Variants in BAHCC1 observed in about 807,000 individuals in gnomAD.
The protein encoded by BAHCC1 is BAH and coiled-coil domain-containing protein 1.
A neutral mutation model predicts 88.2 loss-of-function variants in BAHCC1; 43 were observed. The observed-to-expected ratio is 0.49, with a 90% CI of 0.38 to 0.63. The LOEUF is 0.63. Ranked by LOEUF, BAHCC1 falls within the 20% of genes least tolerant of loss-of-function variation. The pLI, the probability that BAHCC1 is intolerant of heterozygous loss-of-function variation, is 0.00. For missense variants in BAHCC1, 3,023 were observed against 1,654.8 expected, an observed-to-expected ratio of 1.83 and a Z score of -14.34; for synonymous variants, 1,510 against 745.5, an observed-to-expected ratio of 2.03 and a Z score of -16.71.
chr17:81,435,334 C>G lies in BAHCC1; in HGVS notation c.359-3036C>G, dbSNP rs995981481. On this transcript the variant is annotated intron_variant, in intron 3 of 27. Coordinates refer to ENST00000675386, the MANE Select transcript of BAHCC1 (RefSeq NM_001377448.1). The surrounding 1 kb of genome is among the most constrained non-coding windows in gnomAD (Gnocchi z 4.4). ...CTGTCTCCTGCAGTCTGTCCCATCA[C>G]AGGACTGAGTTTGGAGTCTCCTGCC... The G allele has an allele frequency of 2.4e-6, 1 of 425,206 alleles. No homozygotes were observed. Among genetic ancestry groups the G allele is most frequent in the African/African-American group, 2.0e-5 (1 of 49,148 alleles). The allele number at this position is 425,206 out of a possible 1,614,324, so 26.3% of individuals were successfully genotyped here.
chr17:81,454,629 G>A (rs2064711697), intron 14 of BAHCC1, among the ~76,000 whole-genome samples: 2 of 151,830 alleles, frequency 1.3e-5, no homozygotes, highest in Non-Finnish European at 2.9e-5. Flanking sequence ...GGAAATGTGG[G>A]TGCAGTTCTC....
At chr17:81,413,976 G>A (rs528452617) in intron 2 of BAHCC1, among the ~76,000 whole-genome samples, 11 of 152,328 alleles carry the variant, frequency 7.2e-5, no homozygotes, top group Non-Finnish European at 1.0e-4. Context: ...TTGAGCTGAC[G>A]CTGGCAGCCC....
Position 81,463,970 on chromosome 17 carries a change from T to TA in BAHCC1, c.*154dup, listed in dbSNP as rs1224430418. 8.0e-5 allele frequency: 49 copies of TA among 615,860 alleles called. No homozygotes were observed. Among genetic ancestry groups the TA allele is most frequent in the African/African-American group, 3.7e-4 (20 of 54,362 alleles). 38.1% of individuals were successfully genotyped at this position (615,860 alleles called of 1,614,324 possible). A position where few individuals can be genotyped will look rare whatever the true frequency, so the allele number is the denominator to read the frequency against. On this transcript the variant is annotated 3_prime_UTR_variant, in exon 28 of 28. Transcript: ENST00000675386. ...CCACAGGGCAAGACCCAGGCTTTCT[T>TA]ACGGTTTTCCCTGGAAAGAGCGCTC...
intron 3 of BAHCC1, 144 bp from the exon 4 acceptor site, chr17:81,438,226 G>C (rs2064362755): frequency 3.1e-6 from 2 of 640,266 alleles, no homozygotes; most frequent in Non-Finnish European, 2.8e-6. Context: ...TTGATGGGTT[G>C]ATTTCCCCCC....
In BAHCC1 at chr17:81,463,916, A is replaced by G; in HGVS notation, c.*99A>G. The G allele has an allele frequency of 1.5e-6, 1 of 671,256 alleles. No individual in the cohort carries two copies. The allele number at this position is 671,256 out of a possible 1,614,324, so 41.6% of individuals were successfully genotyped here. A position where few individuals can be genotyped will look rare whatever the true frequency, so the allele number is the denominator to read the frequency against. ...GGCAGGAGGCAGCCCCGGCCTCCCA[A>G]GGGCGCATCTGAGCAAATATGCAAA... On this transcript the variant is annotated 3_prime_UTR_variant, in exon 28 of 28. Transcript: ENST00000675386.
Position 81,463,606 on chromosome 17 carries a change from C to T in BAHCC1, c.7621-5C>T, listed in dbSNP as rs758415920. On this transcript the variant is annotated splice_polypyrimidine_tract_variant and splice_region_variant and intron_variant, in intron 27 of 27. Transcript: ENST00000675386. ...CCACTGATGCCCCGCGCGCCTTGCCCCCAGAATGCGCTGTACCAGTCCTGC... is the reference window on the plus strand; with the variant it reads ...CCACTGATGCCCCGCGCGCCTTGCCTCCAGAATGCGCTGTACCAGTCCTGC... The T allele has an allele frequency of 2.6e-6, 2 of 779,498 alleles. No individual in the cohort carries two copies. Among genetic ancestry groups the T allele is most frequent in the Non-Finnish European group, 4.8e-6 (2 of 417,856 alleles). 48.3% of individuals were successfully genotyped at this position (779,498 alleles called of 1,614,324 possible). A position where few individuals can be genotyped will look rare whatever the true frequency, so the allele number is the denominator to read the frequency against.
intron 10 of BAHCC1, among the ~76,000 whole-genome samples, chr17:81,446,563 T>C (rs1729203569): frequency 8.1e-6 from 1 of 123,764 alleles, no homozygotes. Flanking sequence ...TTTTTTTTTT[T>C]TGAGACAGGG....
intron 14 of BAHCC1, among the ~76,000 whole-genome samples, chr17:81,454,987 T>C (rs1177287768): frequency 6.6e-6 from 1 of 152,220 alleles, no homozygotes; most frequent in African/African-American, 2.4e-5. Flanking sequence ...GCGTGCCCAC[T>C]TCCAGTATAG....
At chr17:81,458,540 G>A (rs190715576) in intron 18 of BAHCC1, 74 bp downstream of exon 18, 9 of 652,224 alleles carry the variant, frequency 1.4e-5, no homozygotes, top group Non-Finnish European at 2.0e-5. Flanking sequence ...GCCCTCCCCC[G>A]CACGCTGGCC....
chr17:81,458,616 C>G lies in BAHCC1; in HGVS notation c.5344-5C>G. The G allele has an allele frequency of 1.4e-6, 1 of 715,758 alleles. No homozygotes were observed. Among genetic ancestry groups the G allele is most frequent in the Non-Finnish European group, 2.6e-6 (1 of 384,552 alleles). 44.3% of individuals were successfully genotyped at this position (715,758 alleles called of 1,614,324 possible). Reference sequence around the variant, plus strand: ...TCAGCCCCTTCTCTGCCTGCCCACGCGCAGCGGAAGAACGGGGCCCTGTCC... The same window carrying G: ...TCAGCCCCTTCTCTGCCTGCCCACGGGCAGCGGAAGAACGGGGCCCTGTCC... On this transcript the variant is annotated splice_region_variant and splice_polypyrimidine_tract_variant and intron_variant, in intron 18 of 27. Coordinates refer to ENST00000675386, the MANE Select transcript of BAHCC1 (RefSeq NM_001377448.1).
intron 16 of BAHCC1, 134 bp from the exon 17 acceptor site, chr17:81,457,276 G>A: frequency 1.6e-6 from 1 of 625,552 alleles, no homozygotes; most frequent in Non-Finnish European, 2.9e-6. Context: ...GCCCCACAGA[G>A]CGGCCCAGAG....
intron 2 of BAHCC1, among the ~76,000 whole-genome samples, chr17:81,409,079 G>A (rs59019900): frequency 0.039 from 5,940 of 152,334 alleles, 396 homozygotes; most frequent in African/African-American, 0.14. Context: ...TGGCAGTGGT[G>A]AGAGACCCAG....
intron 3 of BAHCC1, among the ~76,000 whole-genome samples, chr17:81,432,065 G>A (rs2143443163): frequency 6.6e-6 from 1 of 152,320 alleles, no homozygotes; most frequent in African/African-American, 2.4e-5. Flanking sequence ...CATATGCCCA[G>A]CCTCAGTTTC....
chr17:81,425,740 T>TA (rs1409020149), intron 2 of BAHCC1, among the ~76,000 whole-genome samples: 9 of 118,594 alleles, frequency 7.6e-5, no homozygotes, highest in Non-Finnish European at 8.8e-5. Context: ...TTGGTGGTGA[T>TA]GTGGTTGGTG....
rs1234387627 is a variant in BAHCC1 at position 81,460,794 on chromosome 17, TC to T, written c.6203-70del. The T allele has an allele frequency of 6.5e-6, 5 of 771,780 alleles. No homozygotes were observed. In the African/African-American group the frequency reaches 8.5e-5, roughly 13 times the overall value. The allele number at this position is 771,780 out of a possible 1,614,324, so 47.8% of individuals were successfully genotyped here. On this transcript the variant is annotated intron_variant, in intron 25 of 27. Coordinates refer to ENST00000675386, the MANE Select transcript of BAHCC1 (RefSeq NM_001377448.1). ...CAGGAGGCCCGTGGGGTAGGCAGGGTCCGGGGAGGGGCAGGTGGAGGCAGCT... is the reference window on the plus strand; with the variant it reads ...CAGGAGGCCCGTGGGGTAGGCAGGGTCGGGGAGGGGCAGGTGGAGGCAGCT...
Position 81,414,350 on chromosome 17 carries a change from C to T in BAHCC1, c.179-12450C>T, listed in dbSNP as rs545650894. 3.9e-5 allele frequency among the ~76,000 whole-genome samples: 6 copies of T among 152,348 alleles called. No individual in the cohort carries two copies. In the East Asian group the frequency reaches 5.8e-4, roughly 15 times the overall value. ...TGGTTCTCCCAGTGGTCCGTGAGGCCGGCAGGGCATGCAGGCGGCCAGCAT... is the reference window on the plus strand; with the variant it reads ...TGGTTCTCCCAGTGGTCCGTGAGGCTGGCAGGGCATGCAGGCGGCCAGCAT... On this transcript the variant is annotated intron_variant, in intron 2 of 27. Coordinates refer to ENST00000675386, the MANE Select transcript of BAHCC1 (RefSeq NM_001377448.1).
At chr17:81,430,780 G>A (rs931310218) in intron 3 of BAHCC1, among the ~76,000 whole-genome samples, 6 of 152,168 alleles carry the variant, frequency 3.9e-5, no homozygotes, top group African/African-American at 1.4e-4. Context: ...TCCCGGCCTC[G>A]GTTTCCTCGG....
chr17:81,446,714 C>CAG (rs2064534638), intron 10 of BAHCC1: 1 of 490,828 alleles, frequency 2.0e-6, no homozygotes, highest in Non-Finnish European at 4.0e-6. Flanking sequence ...ACGCCCAGCT[C>CAG]ATTGTTCTTT....
intron 4 of BAHCC1, 51 bp downstream of exon 4, chr17:81,438,543 A>AG (rs2064369543): frequency 2.7e-6 from 2 of 731,486 alleles, no homozygotes; most frequent in African/African-American, 1.7e-5. Context: ...GGAGGTGGGG[A>AG]GGGGGCGCAG....
Sources: allele counts gnomAD v4.1 joint callset (sites outside exome capture counted in the v4.1 genomes callset), GRCh38; gene constraint gnomAD v4.1.1; non-coding constraint Gnocchi (gnomAD v3.1); transcripts MANE v1.5; gene names NCBI Gene and HGNC (gene_info 2026-07-23, HGNC 2026-07-21).